UBR3: variants seen among roughly 807,000 people sequenced by gnomAD.
UBR3 encodes E3 ubiquitin-protein ligase UBR3.
UBR3 carries 85 observed loss-of-function variants against 243.2 expected under a neutral mutation model. The observed-to-expected ratio is 0.35, with a 90% CI of 0.29 to 0.42. The LOEUF (loss-of-function observed/expected upper bound fraction) is 0.42. UBR3 is among the 10% of genes least tolerant of loss of function. UBR3 has a pLI of 1.00. For missense variants in UBR3, 1,686 were observed against 2,300.8 expected, an observed-to-expected ratio of 0.73 and a Z score of 5.47; for synonymous variants, 748 against 799.8, an observed-to-expected ratio of 0.94 and a Z score of 1.09.
intron 30 of UBR3, among the ~76,000 whole-genome samples, chr2:170,028,148 A>C (rs1057073335): frequency 2.6e-5 from 4 of 151,920 alleles, no homozygotes; most frequent in Admixed American, 2.6e-4. Context: ...GATCAGATTG[A>C]AACTTACAAA....
chr2:169,841,022 A>G (rs2082270702), intron 1 of UBR3, among the ~76,000 whole-genome samples: 1 of 152,146 alleles, frequency 6.6e-6, no homozygotes, highest in African/African-American at 2.4e-5. Flanking sequence ...TGTGGTGGGT[A>G]TGGCTGTCTC....
intron 20 of UBR3, among the ~76,000 whole-genome samples, chr2:169,944,268 A>G (rs993040940): frequency 7.2e-5 from 11 of 152,160 alleles, no homozygotes; most frequent in Non-Finnish European, 1.5e-4. Context: ...CTCCTTTTTC[A>G]GATATGAAAT....
In UBR3 at chr2:169,961,517, G is replaced by A. The variant is rs185523132; in HGVS notation, c.3634+2991G>A. ...ATAATGCATGTTTGGTAGCTAAACC[G>A]TCTGATTCTTTATTTCTGGAAGGGA... On this transcript the variant is annotated intron_variant, in intron 24 of 38. Transcript: ENST00000272793. 7.4e-4 allele frequency among the ~76,000 whole-genome samples: 113 copies of A among 152,118 alleles called. 1 individual carries two copies. Among genetic ancestry groups the A allele is most frequent in the African/African-American group, 2.2e-3 (92 of 41,504 alleles).
chr2:169,833,790 T>G (rs2082007504), intron 1 of UBR3, among the ~76,000 whole-genome samples: 1 of 152,124 alleles, frequency 6.6e-6, no homozygotes. Flanking sequence ...CTAGATTTTT[T>G]TTTTTTTTAG....
chr2:169,962,009 A>G (rs766959385), intron 24 of UBR3, among the ~76,000 whole-genome samples: 7 of 151,086 alleles, frequency 4.6e-5, no homozygotes, highest in East Asian at 2.0e-4. Context: ...GTGAAGGTAT[A>G]TTGTTTCTCA....
intron 1 of UBR3, among the ~76,000 whole-genome samples, chr2:169,842,971 T>A (rs1307803310): frequency 1.3e-5 from 2 of 152,218 alleles, no homozygotes; most frequent in Non-Finnish European, 2.9e-5. Flanking sequence ...CAGAATGGCT[T>A]TTGCTATCCA....
chr2:169,831,593 T>G lies in UBR3; in HGVS notation c.545+3541T>G, dbSNP rs564845664. On this transcript the variant is annotated intron_variant, in intron 1 of 38. Transcript: ENST00000272793. ...ATTGTGGCCATGCAATTACTCTGAA[T>G]TTTTTCTAACTGCTTGGATTGGATA... Among the ~76,000 whole-genome samples, 6 of 152,286 alleles carry G rather than the reference T, an allele frequency of 3.9e-5. No homozygotes were observed. In the South Asian group the frequency reaches 6.2e-4, roughly 16 times the overall value.
At chr2:170,065,676 A>G (rs2091549436) in intron 35 of UBR3, among the ~76,000 whole-genome samples, 2 of 152,074 alleles carry the variant, frequency 1.3e-5, no homozygotes, top group Admixed American at 1.3e-4. Context: ...TTTAAATGAT[A>G]TCTTCTGTTA....
chr2:169,829,713 C>T (rs533495895), intron 1 of UBR3, among the ~76,000 whole-genome samples: 5 of 152,190 alleles, frequency 3.3e-5, no homozygotes, highest in East Asian at 1.9e-4. Context: ...CGTGAGCCAC[C>T]GCGCCCGGCC....
At chr2:170,063,203 A>G (rs1325124312) in intron 35 of UBR3, among the ~76,000 whole-genome samples, 1 of 152,180 alleles carries the variant, frequency 6.6e-6, no homozygotes, top group Non-Finnish European at 1.5e-5. Flanking sequence ...TGAATGTGTG[A>G]GAGTCAAGAG....
chr2:169,881,670 T>TTATATATA (rs371247984), intron 5 of UBR3, among the ~76,000 whole-genome samples: 4 of 133,256 alleles, frequency 3.0e-5, no homozygotes, highest in African/African-American at 8.6e-5. Flanking sequence ...CAGTGATACT[T>TTATATATA]TATATATATA....
intron 1 of UBR3, among the ~76,000 whole-genome samples, chr2:169,832,505 G>A (rs541207127): frequency 2.0e-5 from 3 of 151,760 alleles, no homozygotes; most frequent in African/African-American, 7.3e-5. Context: ...AGCTTGGAGT[G>A]AGCTTGGAGT....
intron 5 of UBR3, among the ~76,000 whole-genome samples, chr2:169,886,774 T>G (rs2105321030): frequency 6.6e-6 from 1 of 152,312 alleles, no homozygotes; most frequent in South Asian, 2.1e-4. Flanking sequence ...GGGCCCCACC[T>G]TACAGCTGAC....
chr2:169,964,251 CT>C, intron 24 of UBR3: 7 of 278,042 alleles, frequency 2.5e-5, no homozygotes, highest in Admixed American at 5.0e-5. Context: ...AAGAGCAGTC[CT>C]TTTTTTGTCA....
rs948107565 is a variant in UBR3 at position 170,026,441 on chromosome 2, T to G, written c.4454-2905T>G. ...ACATACTATAGATTTATTCTATGAT[T>G]ATAACTATTATTACTATATAATAGA... On this transcript the variant is annotated intron_variant, in intron 30 of 38. Coordinates refer to ENST00000272793, the MANE Select transcript of UBR3 (RefSeq NM_172070.4). Among the ~76,000 whole-genome samples, 4 of 152,222 alleles carry G rather than the reference T, an allele frequency of 2.6e-5. No individual in the cohort carries two copies. The East Asian group carries it at 7.7e-4, about 29-fold the overall frequency.
chr2:169,942,515 C>T lies in UBR3; in HGVS notation c.2686C>T (p.Pro896Ser). 7 of 1,547,866 alleles carry T rather than the reference C, an allele frequency of 4.5e-6. No homozygotes were observed. Among genetic ancestry groups the T allele is most frequent in the Non-Finnish European group, 3.5e-6 (4 of 1,146,214 alleles). ...CAGTTTAAAACAGAGTGGAAAATTT[C>T]CTGGAAATCCCTGGCCTCCATATAA... ...TAFLKQSGKF[P>S]GNPWPPYKKR... Residue 896 changes from proline to serine, a missense_variant, in exon 20 of 39, where the codon CCT (proline) becomes TCT (serine). Transcript: ENST00000272793.
At chr2:169,893,644 C>T (rs1203118572) in intron 6 of UBR3, among the ~76,000 whole-genome samples, 1 of 152,168 alleles carries the variant, frequency 6.6e-6, no homozygotes, top group Non-Finnish European at 1.5e-5. Flanking sequence ...GCAACCTCTG[C>T]CTCCCAGGCT....
intron 11 of UBR3, among the ~76,000 whole-genome samples, chr2:169,922,285 A>AT (rs1169031312): frequency 1.4e-5 from 2 of 145,166 alleles, no homozygotes; most frequent in African/African-American, 5.2e-5. Flanking sequence ...GACCCTGTCT[A>AT]TTTAAAAAAA....
chr2:169,860,592 T>TC (rs1254167265), intron 1 of UBR3, among the ~76,000 whole-genome samples: 1 of 152,084 alleles, frequency 6.6e-6, no homozygotes, highest in East Asian at 1.9e-4. Context: ...TGTTTTTTTT[T>TC]CCTCAGTATA....
Sources: gnomAD v4.1 joint callset for allele counts (sites outside exome capture counted in the v4.1 genomes callset) on GRCh38, gnomAD v4.1.1 for gene constraint, MANE v1.5 for transcripts, NCBI Gene and HGNC (gene_info 2026-07-23, HGNC 2026-07-21) for gene names.